The following UBOX5 variants were observed in gnomAD, a reference collection of about 807,000 sequenced individuals.
UBOX5 encodes the protein RING finger protein 37.
A neutral mutation model predicts 39.0 loss-of-function variants in UBOX5; 28 were observed. That is an observed-to-expected ratio of 0.72 (90% CI 0.53 to 0.98). The LOEUF is 0.98. Among genes scored for constraint, UBOX5 ranks in the 50% least tolerant of loss-of-function variants. The pLI, the probability that UBOX5 is intolerant of heterozygous loss-of-function variation, is 0.00. For missense variants in UBOX5, 585 were observed against 674.4 expected, an observed-to-expected ratio of 0.87 and a Z score of 1.47; for synonymous variants, 283 against 275.5, an observed-to-expected ratio of 1.03 and a Z score of -0.27.
At chr20:3,133,393 C>G (rs926543296) in intron 1 of UBOX5, among the ~76,000 whole-genome samples, 4 of 152,170 alleles carry the variant, frequency 2.6e-5, no homozygotes, top group Admixed American at 2.6e-4. Context: ...CCAGTACTTA[C>G]AAAGCATAGC....
chr20:3,147,012 C>T lies in UBOX5; in HGVS notation c.-42+12754G>A, dbSNP rs371032615. ...ATTCTTGGGGTCTGCATGCAGGCTG[C>T]GGGGCACAGGCCAGCCATCTCCATG... On this transcript the variant is annotated intron_variant, in intron 1 of 4. Coordinates refer to ENST00000217173, the MANE Select transcript of UBOX5 (RefSeq NM_014948.4). 9 of 1,614,030 alleles carry T rather than the reference C, an allele frequency of 5.6e-6. No individual in the cohort carries two copies. The highest frequency in any genetic ancestry group is 1.1e-5 in the South Asian group (1 of 91,086).
chr20:3,152,543 T>G (rs2066641678), intron 1 of UBOX5, among the ~76,000 whole-genome samples: 1 of 152,032 alleles, frequency 6.6e-6, no homozygotes, highest in Non-Finnish European at 1.5e-5. Context: ...ATTTGGAATT[T>G]AATTTAATCC....
intron 4 of UBOX5, among the ~76,000 whole-genome samples, chr20:3,114,519 G>A (rs775383495): frequency 1.3e-5 from 2 of 152,140 alleles, no homozygotes; most frequent in Admixed American, 6.5e-5. Flanking sequence ...TGGCCCATAA[G>A]CTGCCACTGC....
At chr20:3,148,575 A>G in intron 1 of UBOX5, 1 of 1,614,162 alleles carries the variant, frequency 6.2e-7, no homozygotes, top group Non-Finnish European at 8.5e-7. Flanking sequence ...TTACACAAAT[A>G]ATCAACAATG....
intron 1 of UBOX5, among the ~76,000 whole-genome samples, chr20:3,156,299 C>A (rs912459113): frequency 2.0e-5 from 3 of 151,858 alleles, no homozygotes; most frequent in African/African-American, 7.3e-5. Context: ...CCTCAGCCTC[C>A]CAAGTAGCTG....
At position 3,149,450 on chromosome 20, in the gene UBOX5, C is replaced by T. The variant is rs2066602693; in HGVS notation, c.-42+10316G>A. 6.6e-6 allele frequency among the ~76,000 whole-genome samples: 1 copy of T among 152,022 alleles called. No individual in the cohort carries two copies. Among genetic ancestry groups the T allele is most frequent in the Admixed American group, 6.6e-5 (1 of 15,246 alleles). On this transcript the variant is annotated intron_variant, in intron 1 of 4. Coordinates refer to ENST00000217173, the MANE Select transcript of UBOX5 (RefSeq NM_014948.4). The surrounding 1 kb of genome is among the most constrained non-coding windows in gnomAD (Gnocchi z 4.1). ...GGTCTGTGTAAAGGCCTAGGAAAAC[C>T]CCCAACCCAGGGTACCCGTGGGCAG...
rs367650184 is a variant in UBOX5, at chr20:3,123,412, A to G, written c.-41-6T>C. On this transcript the variant is annotated splice_region_variant and splice_polypyrimidine_tract_variant and intron_variant, in intron 1 of 4. Transcript: ENST00000217173. ...TTCCAAGCATCAGAAGCAGCCTTAAATAAGAAATAAAACTATGTATTAGAA... is the reference window on the plus strand; with the variant it reads ...TTCCAAGCATCAGAAGCAGCCTTAAGTAAGAAATAAAACTATGTATTAGAA... 6.4e-7 allele frequency: 1 copy of G among 1,567,258 alleles called. No homozygotes were observed. Among genetic ancestry groups the G allele is most frequent in the Non-Finnish European group, 8.8e-7 (1 of 1,141,910 alleles).
intron 3 of UBOX5, among the ~76,000 whole-genome samples, chr20:3,115,828 A>T (rs568094259): frequency 7.4e-6 from 1 of 135,670 alleles, no homozygotes; most frequent in Non-Finnish European, 1.5e-5. Flanking sequence ...CAGGGGTGCC[A>T]TCTCAGCTCA....
chr20:3,149,774 T>C lies in UBOX5; in HGVS notation c.-42+9992A>G, dbSNP rs573140669. ...GGCTCATGCCTGTAATGCCAGCACT[T>C]TGGGAGGCCGAGGCAGGCAGATCAC... On this transcript the variant is annotated intron_variant, in intron 1 of 4. Coordinates refer to ENST00000217173, the MANE Select transcript of UBOX5 (RefSeq NM_014948.4). This position sits in a 1 kb window ranked among gnomAD's most constrained non-coding sequence, Gnocchi z 4.1. Among the ~76,000 whole-genome samples, 3 of 152,278 alleles carry C rather than the reference T, an allele frequency of 2.0e-5. No individual in the cohort carries two copies. The highest frequency in any genetic ancestry group is 1.9e-4 in the East Asian group (1 of 5,176).
At chr20:3,144,000 C>T in intron 1 of UBOX5, among the ~76,000 whole-genome samples, 1 of 152,016 alleles carries the variant, frequency 6.6e-6, no homozygotes, top group Non-Finnish European at 1.5e-5. Context: ...AAGATTTATA[C>T]ACTGAAAACT....
In UBOX5 at chr20:3,149,904, AGCTACTCAGGAGGCTGAGGCAGG is replaced by A. The variant is rs2066607467; in HGVS notation, c.-42+9839_-42+9861del. Among the ~76,000 whole-genome samples, 1 of 152,018 alleles carries A rather than the reference AGCTACTCAGGAGGCTGAGGCAGG, an allele frequency of 6.6e-6. No homozygotes were observed. Among genetic ancestry groups the A allele is most frequent in the Admixed American group, 6.6e-5 (1 of 15,242 alleles). ...TGTGGCAGCACACACCTGTAATCCC[AGCTACTCAGGAGGCTGAGGCAGG>A]AGAATCCCTTGAACCCAGGAGGCAG... On this transcript the variant is annotated intron_variant, in intron 1 of 4. Transcript: ENST00000217173. The surrounding 1 kb of genome is among the most constrained non-coding windows in gnomAD (Gnocchi z 4.1).
chr20:3,110,284 C>T lies in UBOX5; in HGVS notation c.1448G>A (p.Cys483Tyr), dbSNP rs1338160207. 2 of 1,614,172 alleles carry T rather than the reference C, an allele frequency of 1.2e-6. No homozygotes were observed. Among genetic ancestry groups the T allele is most frequent in the Admixed American group, 1.7e-5 (1 of 60,016 alleles). ...EQPGSILGPECASCKRVFSPY... is the reference protein window; with the variant it reads ...EQPGSILGPEYASCKRVFSPY... ...AGAAAATACTCTTTTGCAGGAGGCA[C>T]ATTCGGGGCCCAGGATGCTCCCAGG... Residue 483 changes from cysteine (C) to tyrosine (Y), a missense_variant, in exon 5 of 5, where the codon TGT (cysteine) becomes TAT (tyrosine). Cys to Tyr is a radical substitution (Grantham distance 194). Transcript: ENST00000217173.
At chr20:3,143,725 G>A (rs6084272) in intron 1 of UBOX5, among the ~76,000 whole-genome samples, 36,417 of 152,140 alleles carry the variant, frequency 0.24, 5,660 homozygotes, top group Non-Finnish European at 0.35. Context: ...CCTGGGAGGC[G>A]GAGCTTGCAG....
In UBOX5 at chr20:3,110,432, G is replaced by T. The variant is rs1003484683; in HGVS notation, c.1418-118C>A. Reference sequence around the variant, plus strand: ...TGCAGCATCTGGCTTCATCCCTCCCGAGTCCATCCCAGTCTGATCAGGTAG... The same window carrying T: ...TGCAGCATCTGGCTTCATCCCTCCCTAGTCCATCCCAGTCTGATCAGGTAG... On this transcript the variant is annotated intron_variant, in intron 4 of 4. Transcript: ENST00000217173. 4 of 1,189,990 alleles carry T rather than the reference G, an allele frequency of 3.4e-6. No homozygotes were observed. In the Admixed American group the frequency reaches 7.8e-5, roughly 23 times the overall value. 73.7% of individuals were successfully genotyped at this position (1,189,990 alleles called of 1,614,324 possible). A position where few individuals can be genotyped will look rare whatever the true frequency, so the allele number is the denominator to read the frequency against.
intron 1 of UBOX5, among the ~76,000 whole-genome samples, chr20:3,134,130 T>C (rs893903659): frequency 2.0e-5 from 3 of 152,268 alleles, no homozygotes; most frequent in Admixed American, 6.6e-5. Context: ...AAACTACATA[T>C]AGTAGTCATG....
chr20:3,124,926 T>G (rs1600377041), intron 1 of UBOX5, among the ~76,000 whole-genome samples: 1 of 110,476 alleles, frequency 9.1e-6, no homozygotes, highest in Non-Finnish European at 1.8e-5. Flanking sequence ...TGGCCACCCA[T>G]CATCTGGGAA....
chr20:3,149,581 G>A lies in UBOX5; in HGVS notation c.-42+10185C>T, dbSNP rs2066604012. On this transcript the variant is annotated intron_variant, in intron 1 of 4. Transcript: ENST00000217173. This position sits in a 1 kb window ranked among gnomAD's most constrained non-coding sequence, Gnocchi z 4.1. ...ACATTTGATAGGAAGAAGGAAGGCA[G>A]ATTTCTAGAAAGAAGGCTGGGAACA... is the stretch of plus-strand genomic sequence containing the variant. 1.3e-5 allele frequency among the ~76,000 whole-genome samples: 2 copies of A among 152,196 alleles called. No individual in the cohort carries two copies. The highest frequency in any genetic ancestry group is 4.1e-4 in the South Asian group (2 of 4,830).
Position 3,121,899 on chromosome 20 carries a change from G to C in UBOX5, c.740C>G (p.Ser247Cys), listed in dbSNP as rs758259152. The change falls in exon 3 of 5, where the codon TCC becomes TGC. Residue 247 changes from serine to cysteine, a missense_variant. Transcript: ENST00000217173. ...GATCTCGGCCAGCTTCTGCAGGCTGGAGGGAGCCTGCTGGCTCTCAGGCTG... is the reference window on the plus strand; with the variant it reads ...GATCTCGGCCAGCTTCTGCAGGCTGCAGGGAGCCTGCTGGCTCTCAGGCTG... ...GDQPESQQAP[S>C]SLQKLAEIIQ... is the part of the protein sequence containing the mutation. 1 of 1,613,914 alleles carries C rather than the reference G, an allele frequency of 6.2e-7. No individual in the cohort carries two copies. The highest frequency in any genetic ancestry group is 1.7e-5 in the Admixed American group (1 of 60,022).
At chr20:3,142,164 A>G (rs2066522384) in intron 1 of UBOX5, among the ~76,000 whole-genome samples, 1 of 137,496 alleles carries the variant, frequency 7.3e-6, no homozygotes, top group Non-Finnish European at 1.6e-5. Context: ...TCTCAAAAAG[A>G]AAAAAAAAAA....
Sources: allele counts gnomAD v4.1 joint callset (sites outside exome capture counted in the v4.1 genomes callset), GRCh38; gene constraint gnomAD v4.1.1; non-coding constraint Gnocchi (gnomAD v3.1); transcripts MANE v1.5; gene names NCBI Gene and HGNC (gene_info 2026-07-23, HGNC 2026-07-21).